The following NHSL2 variants were observed in gnomAD, a reference collection of about 807,000 sequenced individuals.
NHSL2 encodes NHS-like protein 2.
NHSL2 carries 27 observed loss-of-function variants against 53.4 expected under a neutral mutation model. The ratio of observed to expected loss-of-function variants is 0.51; its 90% CI spans 0.37 to 0.70. The LOEUF (loss-of-function observed/expected upper bound fraction) is 0.70, where lower values mean the gene tolerates loss of function less well. NHSL2 is among the 30% of genes least tolerant of loss of function. NHSL2 has a pLI of 0.00. For synonymous variants in NHSL2, 408 were observed against 404.1 expected, an observed-to-expected ratio of 1.01 and a Z score of -0.12; for missense variants, 892 against 980.1, an observed-to-expected ratio of 0.91 and a Z score of 1.20.
intron 1 of NHSL2, among the ~76,000 whole-genome samples, chrX:71,931,074 T>A (rs1043380221): frequency 2.7e-5 from 3 of 112,410 alleles, no homozygotes; most frequent in African/African-American, 9.7e-5. Context: ...ATTTTCTGAA[T>A]TTTTTATTAT....
At position 72,152,206 on chromosome X, in the gene NHSL2, G is replaced by A. The variant is rs2042519485; in HGVS notation, c.*8632G>A. On this transcript the variant is annotated 3_prime_UTR_variant, in exon 8 of 8. Coordinates refer to ENST00000633930, the MANE Select transcript of NHSL2 (RefSeq NM_001013627.3). The stretch of plus-strand genomic sequence containing the variant: ...CTCTAATGCTTCTTGGGAGTCTGAA[G>A]CTCAGATTCACATTTTCACATTTTC... 1 of 113,301 alleles carries A rather than the reference G, an allele frequency of 8.8e-6. No homozygotes were observed. The highest frequency in any genetic ancestry group is 1.9e-5 in the Non-Finnish European group (1 of 53,405). 9.3% of individuals were successfully genotyped at this position (113,301 alleles called of 1,213,427 possible).
At chrX:72,100,155 A>T (rs1194191029) in intron 1 of NHSL2, among the ~76,000 whole-genome samples, 1 of 112,091 alleles carries the variant, frequency 8.9e-6, no homozygotes, top group Non-Finnish European at 1.9e-5. Flanking sequence ...AGCCGAGCCA[A>T]GTACAGTCAG....
At chrX:72,086,285 G>A (rs763726889) in intron 1 of NHSL2, among the ~76,000 whole-genome samples, 54 of 110,986 alleles carry the variant, frequency 4.9e-4, no homozygotes, top group African/African-American at 1.5e-3. Flanking sequence ...TGCTGGCCTC[G>A]TTGGTTAAAC....
chrX:72,093,725 T>TTGCTTGCTTGCTTGCTTG (rs1569479425), intron 1 of NHSL2, among the ~76,000 whole-genome samples: 684 of 53,948 alleles, frequency 0.013, 7 homozygotes, highest in East Asian at 0.034. Context: ...TTGCTTGCTT[T>TTGCTTGCTTGCTTGCTTG]CTTTCTTTCT....
chrX:71,938,263 T>C (rs1309005929), intron 1 of NHSL2, among the ~76,000 whole-genome samples: 5 of 112,157 alleles, frequency 4.5e-5, no homozygotes, highest in Non-Finnish European at 9.4e-5. Flanking sequence ...TGTGTCCCTT[T>C]AGGTGATACC....
chrX:72,008,838 C>A (rs887669708), intron 1 of NHSL2, among the ~76,000 whole-genome samples: 1 of 112,016 alleles, frequency 8.9e-6, no homozygotes, highest in African/African-American at 3.3e-5. Flanking sequence ...ATGCCACCAT[C>A]GTCTCTGGCC....
At chrX:71,993,696 T>A (rs1349429879) in intron 1 of NHSL2, among the ~76,000 whole-genome samples, 1 of 111,309 alleles carries the variant, frequency 9.0e-6, no homozygotes, top group Middle Eastern at 4.2e-3. Flanking sequence ...GGCACTGGGG[T>A]TCCCTGGCCA....
chrX:72,069,468 C>G (rs1373594231), intron 1 of NHSL2, among the ~76,000 whole-genome samples: 1 of 111,315 alleles, frequency 9.0e-6, no homozygotes, highest in Non-Finnish European at 1.9e-5. Flanking sequence ...CTAGCAGGCT[C>G]TAGTCCAAGT....
chrX:72,072,263 G>T (rs2041707408), intron 1 of NHSL2, among the ~76,000 whole-genome samples: 1 of 112,007 alleles, frequency 8.9e-6, no homozygotes, highest in Non-Finnish European at 1.9e-5. Context: ...TTTAAATTAG[G>T]GTAAGGTTAA....
chrX:71,951,005 T>TACACACACACACACAC (rs10527333), intron 1 of NHSL2, among the ~76,000 whole-genome samples: 1,596 of 89,709 alleles, frequency 0.018, 44 homozygotes, highest in African/African-American at 0.049. Context: ...AAATACAAAA[T>TACACACACACACACAC]ACACACACAC....
In NHSL2 at chrX:72,130,125, C is replaced by T. The variant is rs757021429; in HGVS notation, c.281-1954C>T. On this transcript the variant is annotated intron_variant, in intron 1 of 7. Transcript: ENST00000633930. ...TCTGGGATGACGCGTGAACAAAGGT[C>T]GGCTCCATCTCCATCAGCTCATCTA... is the stretch of plus-strand genomic sequence containing the variant. The T allele has an allele frequency of 1.6e-5, 19 of 1,208,439 alleles. No individual in the cohort carries two copies. The East Asian group carries it at 4.5e-4, about 28-fold the overall frequency.
intron 1 of NHSL2, among the ~76,000 whole-genome samples, chrX:72,014,934 G>A (rs765617452): frequency 8.2e-5 from 9 of 110,119 alleles, no homozygotes; most frequent in Non-Finnish European, 1.7e-4. Context: ...GCTTAGCAAG[G>A]GTGAAAAGCT....
At chrX:72,024,326 C>T (rs1395393948) in intron 1 of NHSL2, among the ~76,000 whole-genome samples, 1 of 111,649 alleles carries the variant, frequency 9.0e-6, no homozygotes, top group Non-Finnish European at 1.9e-5. Flanking sequence ...AATGGGGCTA[C>T]CAGGAGAGGC....
Position 72,143,418 on chromosome X carries a change from C to A in NHSL2, c.3522C>A (p.Asp1174Glu), listed in dbSNP as rs372865823. 7.6e-4 allele frequency: 882 copies of A among 1,165,537 alleles called. 1 individual carries two copies. The highest frequency in any genetic ancestry group is 9.5e-4 in the Non-Finnish European group (832 of 872,507). ...SSANLDAGRN[D>E]DFKALLQKKG... ...CCAACCTAGATGCTGGCAGAAATGACGATTTCAAGGCCTTGCTACAGAAGA... is the reference window on the plus strand; with the variant it reads ...CCAACCTAGATGCTGGCAGAAATGAAGATTTCAAGGCCTTGCTACAGAAGA... The change falls in exon 8 of 8, where the codon GAC becomes GAA. Residue 1174 changes from aspartate to glutamate, a missense_variant. Asp to Glu is a conservative substitution (Grantham distance 45). Coordinates refer to ENST00000633930, the MANE Select transcript of NHSL2 (RefSeq NM_001013627.3).
intron 1 of NHSL2, among the ~76,000 whole-genome samples, chrX:72,087,044 G>A (rs2041854316): frequency 8.9e-6 from 1 of 111,906 alleles, no homozygotes; most frequent in South Asian, 3.7e-4. Flanking sequence ...GGTCATCCCA[G>A]CCTGGGGGGT....
chrX:72,000,667 A>G (rs1412735286), intron 1 of NHSL2, among the ~76,000 whole-genome samples: 1 of 111,168 alleles, frequency 9.0e-6, no homozygotes, highest in Non-Finnish European at 1.9e-5. Flanking sequence ...AAAAGTGGCC[A>G]TTCGAGTCTT....
intron 1 of NHSL2, among the ~76,000 whole-genome samples, chrX:72,109,471 T>C (rs1320274579): frequency 1.8e-5 from 2 of 110,386 alleles, no homozygotes; most frequent in Admixed American, 9.6e-5. Context: ...TTTGTTGTTG[T>C]TTGTTTGTTT....
chrX:72,097,100 G>A (rs138296447), intron 1 of NHSL2, among the ~76,000 whole-genome samples: 4 of 112,173 alleles, frequency 3.6e-5, no homozygotes, highest in African/African-American at 6.5e-5. Flanking sequence ...TGCTGAAAAC[G>A]TTCTTCAGTC....
intron 1 of NHSL2, among the ~76,000 whole-genome samples, chrX:72,008,865 C>G (rs1202480441): frequency 4.5e-5 from 5 of 111,924 alleles, no homozygotes; most frequent in Non-Finnish European, 9.4e-5. Context: ...ATTTTAGTAT[C>G]CCTGTCACCA....
Sources: allele counts gnomAD v4.1 joint callset (sites outside exome capture counted in the v4.1 genomes callset), GRCh38; gene constraint gnomAD v4.1.1; transcripts MANE v1.5; gene names NCBI Gene and HGNC (gene_info 2026-07-23, HGNC 2026-07-21).